The following VAT1 variants were observed in gnomAD, a reference collection of about 807,000 sequenced individuals.
VAT1 encodes the protein vesicle amine transport 1, also known as NADPH-dependent quinone oxidoreductase VAT1.
In VAT1, 24 loss-of-function variants were observed where a neutral mutation model predicts 33.3. The ratio of observed to expected loss-of-function variants is 0.72; its 90% CI spans 0.52 to 1.01. The LOEUF is 1.01. VAT1 is among the 50% of genes least tolerant of loss of function. The probability of loss-of-function intolerance (pLI) is 0.00; values close to 1 mark genes in which losing one functional copy is unlikely to be tolerated. For synonymous variants in VAT1, 212 were observed against 225.0 expected, an observed-to-expected ratio of 0.94 and a Z score of 0.52; for missense variants, 436 against 533.7, an observed-to-expected ratio of 0.82 and a Z score of 1.80.
chr17:43,020,194 C>G (rs1196497543), intron 1 of VAT1: 22 of 985,272 alleles, frequency 2.2e-5, no homozygotes, highest in Non-Finnish European at 2.7e-5. Flanking sequence ...TGACCCCTCC[C>G]CAACCCAGAC....
chr17:43,020,785 G>A (rs1567747349), intron 1 of VAT1, among the ~76,000 whole-genome samples: 1 of 149,106 alleles, frequency 6.7e-6, no homozygotes, highest in African/African-American at 2.5e-5. Flanking sequence ...TGAGGCAGGA[G>A]AATCGCTTGA....
Position 43,018,667 on chromosome 17 carries a change from T to C in VAT1, c.520A>G (p.Ile174Val), listed in dbSNP as rs1597784109. The change falls in exon 2 of 6, where the codon ATT becomes GTT. Residue 174 changes from isoleucine (I) to valine (V), a missense_variant. Around this residue, in one of 2 missense-constraint regions of VAT1, gnomAD observed 282 missense variants for 405.4 expected, o/e 0.70. Transcript: ENST00000355653. ...TCAAAGAGGACCATGTAGGCTGTAA[T>C]GTAATTGACGAGCAAGGCAGCAGCT... ...EEAAALLVNYITAYMVLFDFG... is the reference protein window; with the variant it reads ...EEAAALLVNYVTAYMVLFDFG... 2 of 1,614,102 alleles carry C rather than the reference T, an allele frequency of 1.2e-6. No individual in the cohort carries two copies. Among genetic ancestry groups the C allele is most frequent in the Non-Finnish European group, 1.7e-6 (2 of 1,180,040 alleles).
At chr17:43,018,357 G>T in intron 2 of VAT1, 151 bp from the exon 3 acceptor site, 1 of 1,084,934 alleles carries the variant, frequency 9.2e-7, no homozygotes. Flanking sequence ...GAAGTGGTGG[G>T]GAAGGTAGCT....
Position 43,018,953 on chromosome 17 carries a change from TCAA to T in VAT1, c.388-157_388-155del, listed in dbSNP as rs1391478169. 2.4e-5 allele frequency: 18 copies of T among 760,676 alleles called. No homozygotes were observed. The African/African-American group carries it at 3.0e-4, about 13-fold the overall frequency. The allele number at this position is 760,676 out of a possible 1,614,324, so 47.1% of individuals were successfully genotyped here. On this transcript the variant is annotated intron_variant, in intron 1 of 5. Transcript: ENST00000355653. Reference sequence around the variant, plus strand: ...AATAATAATAATAATAACATCATCATCAACAACAATAACAACTCACCTTTACTG... The same window carrying T: ...AATAATAATAATAATAACATCATCATCAACAATAACAACTCACCTTTACTG...
chr17:43,016,113 T>C lies in VAT1; in HGVS notation c.1130A>G (p.Lys377Arg), dbSNP rs759625173. The change falls in exon 6 of 6, where the codon AAG becomes AGG. Residue 377 changes from lysine to arginine, a missense_variant. Physicochemically the swap from Lys to Arg is conservative, Grantham distance 26 (BLOSUM62 2). This residue lies in a region of VAT1 where 282 missense variants were observed against 405.4 expected (regional missense o/e 0.70). Coordinates refer to ENST00000355653, the MANE Select transcript of VAT1 (RefSeq NM_006373.4). ...VADAMKQMQE[K>R]KNVGKVLLVP... ...CAGGAGGACCTTGCCCACATTCTTC[T>C]TCTCCTGCATCTGTTTCATGGCATC... The C allele has an allele frequency of 1.2e-6, 2 of 1,614,190 alleles. No homozygotes were observed. The highest frequency in any genetic ancestry group is 1.7e-5 in the Admixed American group (1 of 60,022).
At position 43,018,218 on chromosome 17, in the gene VAT1, C is replaced by A; in HGVS notation, c.596-12G>T. On this transcript the variant is annotated splice_polypyrimidine_tract_variant and intron_variant, in intron 2 of 5. Transcript: ENST00000355653. ...CATACCCACACCCCCTGCAGCAAGA[C>A]ACCCATAAGCAGGGGATATGGAGTT... is the stretch of plus-strand genomic sequence containing the variant. 1 of 1,600,434 alleles carries A rather than the reference C, an allele frequency of 6.2e-7. No homozygotes were observed. The highest frequency in any genetic ancestry group is 8.5e-7 in the Non-Finnish European group (1 of 1,170,824).
At chr17:43,017,255 C>A (rs1397632474) in intron 4 of VAT1, among the ~76,000 whole-genome samples, 1 of 150,056 alleles carries the variant, frequency 6.7e-6, no homozygotes, top group Non-Finnish European at 1.5e-5. Context: ...AGAAAGAAGG[C>A]AGGCTGGTTG....
At position 43,020,874 on chromosome 17, in the gene VAT1, TAAA is replaced by T. The variant is rs57324710; in HGVS notation, c.387+1059_387+1061del. Among the ~76,000 whole-genome samples the T allele has an allele frequency of 5.1e-3, 507 of 100,146 alleles. 4 individuals are homozygous for T. Among genetic ancestry groups the T allele is most frequent in the African/African-American group, 0.015 (431 of 28,492 alleles). 65.7% of individuals were successfully genotyped at this position (100,146 alleles called of 152,430 possible). On this transcript the variant is annotated intron_variant, in intron 1 of 5. Transcript: ENST00000355653. The stretch of plus-strand genomic sequence containing the variant: ...TGGGCAACAAGAGCGAAACTCCGTC[TAAA>T]AAAAAAAAAAAAAAAAAAGAAAAAG...
Position 43,018,700 on chromosome 17 carries a change from A to G in VAT1, c.487T>C (p.Phe163Leu). The G allele has an allele frequency of 6.2e-7, 1 of 1,614,180 alleles. No individual in the cohort carries two copies. The highest frequency in any genetic ancestry group is 8.5e-7 in the Non-Finnish European group (1 of 1,180,034). The change falls in exon 2 of 6, where the codon TTT (phenylalanine) becomes CTT (leucine). Residue 163 changes from phenylalanine to leucine, a missense_variant. Phe to Leu is a conservative substitution (Grantham distance 22, BLOSUM62 0). Coordinates refer to ENST00000355653, the MANE Select transcript of VAT1 (RefSeq NM_006373.4). ...ACGAGCAAGGCAGCAGCTTCCTCAA[A>G]GGTCATGGCCTCAGGAATCAGGAAG... ...QTFLIPEAMT[F>L]EEAAALLVNY...
intron 1 of VAT1, among the ~76,000 whole-genome samples, chr17:43,021,671 T>C (rs1457896083): frequency 2.6e-5 from 4 of 151,494 alleles, no homozygotes; most frequent in African/African-American, 9.7e-5. Context: ...CACCTTATTG[T>C]TTTCCCCCCC....
intron 4 of VAT1, 108 bp from the exon 5 acceptor site, chr17:43,016,656 G>A (rs2050523094): frequency 6.8e-7 from 1 of 1,467,810 alleles, no homozygotes; most frequent in Non-Finnish European, 9.2e-7. Context: ...CCACACCAGT[G>A]CCAGGGAGTG....
Position 43,016,443 on chromosome 17 carries a change from C to T in VAT1, c.962G>A (p.Arg321Gln), listed in dbSNP as rs775596497. The T allele has an allele frequency of 7.4e-6, 12 of 1,614,046 alleles. No individual in the cohort carries two copies. Among genetic ancestry groups the T allele is most frequent in the Middle Eastern group, 1.6e-4 (1 of 6,084 alleles). ...GCCCAGGTGGAAGCCACACACAGCC[C>T]GGTTGGCCTGCAGCAGCTGCAGAGC... The part of the protein sequence containing the change: ...VTALQLLQAN[R>Q]AVCGFHLGYL... The change falls in exon 5 of 6, where the codon CGG becomes CAG. Residue 321 changes from arginine to glutamine, a missense_variant. Arg to Gln is a conservative substitution (Grantham distance 43, BLOSUM62 1). This residue lies in a region of VAT1 where 282 missense variants were observed against 405.4 expected (regional missense o/e 0.70). Transcript: ENST00000355653.
chr17:43,020,101 C>G (rs2050554319), intron 1 of VAT1: 2 of 985,330 alleles, frequency 2.0e-6, no homozygotes, highest in African/African-American at 1.7e-5. Flanking sequence ...CATTTAGGGT[C>G]ATGGCCAGTC....
Position 43,018,157 on chromosome 17 carries a change from C to G in VAT1, c.645G>C (p.Val215=). ...AVQLCRTVEN[V]TVFGTASASK... is the part of the protein sequence containing the mutation. The stretch of plus-strand genomic sequence containing the variant: ...TGGCCGAGGCCGTTCCGAACACTGT[C>G]ACATTCTCCACTGTACGGCACAGCT... Residue 215 remains valine, a synonymous_variant, in exon 3 of 6, where the codon GTG becomes GTC. Coordinates refer to ENST00000355653, the MANE Select transcript of VAT1 (RefSeq NM_006373.4). 6.2e-7 allele frequency: 1 copy of G among 1,614,050 alleles called. No homozygotes were observed. The highest frequency in any genetic ancestry group is 2.2e-5 in the East Asian group (1 of 44,884).
At chr17:43,021,152 C>T (rs1462836253) in intron 1 of VAT1, among the ~76,000 whole-genome samples, 1 of 152,156 alleles carries the variant, frequency 6.6e-6, no homozygotes, top group Non-Finnish European at 1.5e-5. Flanking sequence ...GAGGTGGGTC[C>T]CCCCTTCCAC....
At chr17:43,018,976 T>G (rs2050544089) in intron 1 of VAT1, 177 bp from the exon 2 acceptor site, 3 of 694,212 alleles carry the variant, frequency 4.3e-6, no homozygotes, top group Non-Finnish European at 7.1e-6. Context: ...CAACTCACCT[T>G]TACTGAGTGC....
At position 43,018,396 on chromosome 17, in the gene VAT1, C is replaced by T. The variant is rs142282132; in HGVS notation, c.596-190G>A. ...GAGGTGGGGGTGTGGGGTGAGGGCA[C>T]GTTGCTAAGGATAGCACACCAGACT... On this transcript the variant is annotated intron_variant, in intron 2 of 5. Coordinates refer to ENST00000355653, the MANE Select transcript of VAT1 (RefSeq NM_006373.4). Among the ~76,000 whole-genome samples, 223 of 152,254 alleles carry T rather than the reference C, an allele frequency of 1.5e-3. 4 individuals are homozygous for T. The East Asian group carries it at 0.039, about 27-fold the overall frequency.
At chr17:43,020,406 G>A in intron 1 of VAT1, 2 of 521,902 alleles carry the variant, frequency 3.8e-6, no homozygotes, top group South Asian at 8.3e-5. Context: ...GCCTGCTCAA[G>A]AGTGGGATCA....
At chr17:43,018,874 A>G (rs1567746823) in intron 1 of VAT1, 75 bp from the exon 2 acceptor site, 6 of 1,504,140 alleles carry the variant, frequency 4.0e-6, no homozygotes, top group Non-Finnish European at 5.5e-6. Flanking sequence ...CCCCCTAGGT[A>G]CAAGGCTACC....
Sources: allele counts gnomAD v4.1 joint callset (sites outside exome capture counted in the v4.1 genomes callset), GRCh38; gene constraint gnomAD v4.1.1; regional missense constraint gnomAD v4.1.1; transcripts MANE v1.5; gene names NCBI Gene and HGNC (gene_info 2026-07-23, HGNC 2026-07-21).